The following HEG1 variants were observed in gnomAD, a reference collection of about 807,000 sequenced individuals.
HEG1 encodes the protein protein HEG homolog 1.
In HEG1, 56 loss-of-function variants were observed where a neutral mutation model predicts 125.6. The ratio of observed to expected loss-of-function variants is 0.45; its 90% CI spans 0.36 to 0.56. HEG1 has a LOEUF of 0.56. HEG1 is among the 20% of genes least tolerant of loss of function. HEG1 has a pLI of 0.00. For synonymous variants in HEG1, 644 were observed against 668.5 expected, an observed-to-expected ratio of 0.96 and a Z score of 0.57; for missense variants, 1,523 against 1,670.0, an observed-to-expected ratio of 0.91 and a Z score of 1.53.
chr3:124,987,615 C>G (rs1049067276), intron 14 of HEG1, among the ~76,000 whole-genome samples: 25 of 135,614 alleles, frequency 1.8e-4, no homozygotes, highest in Non-Finnish European at 3.4e-4. Context: ...CTCCGCCCCC[C>G]CAGGTTCACG....
At chr3:124,990,759 G>A (rs145406909) in intron 14 of HEG1, 28 bp downstream of exon 14, 47 of 1,554,036 alleles carry the variant, frequency 3.0e-5, no homozygotes, top group African/African-American at 2.7e-4. Flanking sequence ...CCCTGCCCAC[G>A]CATAATGGTC....
At chr3:124,999,321 C>G (rs1936968050) in intron 11 of HEG1, among the ~76,000 whole-genome samples, 1 of 152,208 alleles carries the variant, frequency 6.6e-6, no homozygotes. Context: ...AATGGAAAAT[C>G]TCACCAGGCA....
chr3:125,046,877 T>A (rs751647826), intron 1 of HEG1, among the ~76,000 whole-genome samples: 8 of 152,228 alleles, frequency 5.3e-5, no homozygotes, highest in Non-Finnish European at 1.2e-4. Context: ...TGAAGAACAC[T>A]CATTGACCAC....
In HEG1 at chr3:125,029,477, T is replaced by C. The variant is rs1202679425; in HGVS notation, c.328A>G (p.Lys110Glu). ...TCAGTGTTACTTTCTGGCCAATGTT[T>C]CCAGGCAGCATCTGAAAGAAGAAGA... is the stretch of plus-strand genomic sequence containing the variant. ...PRGGSADAAW[K>E]HWPESNTEAH... Residue 110 changes from lysine to glutamate, a missense_variant, in exon 2 of 17, where the codon AAA (lysine) becomes GAA (glutamate). Transcript: ENST00000311127. 2.5e-6 allele frequency: 4 copies of C among 1,593,234 alleles called. No individual in the cohort carries two copies. The highest frequency in any genetic ancestry group is 3.4e-6 in the Non-Finnish European group (4 of 1,174,124).
intron 15 of HEG1, 105 bp from the exon 16 acceptor site, chr3:124,974,010 TA>T (rs1482964492): frequency 2.6e-6 from 2 of 771,988 alleles, no homozygotes; most frequent in East Asian, 5.3e-5. Flanking sequence ...AAGCTACCAT[TA>T]TATTTATTTG....
At chr3:125,048,451 G>T (rs1340979260) in intron 1 of HEG1, among the ~76,000 whole-genome samples, 1 of 152,230 alleles carries the variant, frequency 6.6e-6, no homozygotes, top group Non-Finnish European at 1.5e-5. Context: ...TCCTGCCTTA[G>T]ATCATCTGCC....
At chr3:125,029,592 C>T (rs1937469203) in intron 1 of HEG1, 104 bp from the exon 2 acceptor site, 5 of 1,193,794 alleles carry the variant, frequency 4.2e-6, no homozygotes, top group African/African-American at 1.5e-5. Flanking sequence ...AGAGTGAATT[C>T]AAGTAAAAGA....
At chr3:125,040,212 CCG>C (rs1420232917) in intron 1 of HEG1, among the ~76,000 whole-genome samples, 1 of 152,090 alleles carries the variant, frequency 6.6e-6, no homozygotes, top group Non-Finnish European at 1.5e-5. Context: ...AGATTTGGGA[CCG>C]TTGATTAGGA....
At chr3:125,010,804 CA>C (rs1937147676) in intron 6 of HEG1, among the ~76,000 whole-genome samples, 2 of 152,190 alleles carry the variant, frequency 1.3e-5, no homozygotes, top group African/African-American at 4.8e-5. Flanking sequence ...TGATTGTAAT[CA>C]AATGCTGCTT....
At chr3:125,007,491 A>G (rs1937090315) in intron 8 of HEG1, among the ~76,000 whole-genome samples, 1 of 152,192 alleles carries the variant, frequency 6.6e-6, no homozygotes, top group African/African-American at 2.4e-5. Flanking sequence ...AAAGAGCCAT[A>G]ATTATTACTT....
In HEG1 at chr3:125,027,185, G is replaced by C; in HGVS notation, c.913+20C>G. 1.3e-6 allele frequency: 2 copies of C among 1,556,624 alleles called. No individual in the cohort carries two copies. Among genetic ancestry groups the C allele is most frequent in the East Asian group, 4.5e-5 (2 of 44,192 alleles). ...ACTTTGAGTGACTTCCGAGTGTTAAGCTGGGTATGTGGCACTCACATGAGG... is the reference window on the plus strand; with the variant it reads ...ACTTTGAGTGACTTCCGAGTGTTAACCTGGGTATGTGGCACTCACATGAGG... On this transcript the variant is annotated intron_variant, in intron 3 of 16. Transcript: ENST00000311127.
chr3:124,989,952 T>G (rs75828757), intron 14 of HEG1, among the ~76,000 whole-genome samples: 26 of 152,212 alleles, frequency 1.7e-4, no homozygotes, highest in African/African-American at 6.0e-4. Flanking sequence ...TCCTCTACTT[T>G]CTGCCTTCCG....
intron 1 of HEG1, among the ~76,000 whole-genome samples, chr3:125,042,391 G>A (rs1937600260): frequency 6.6e-6 from 1 of 152,148 alleles, no homozygotes. Context: ...TCATGCCACT[G>A]CACTCCAGCC....
intron 1 of HEG1, among the ~76,000 whole-genome samples, chr3:125,037,125 TAC>T (rs1270905671): frequency 9.2e-5 from 14 of 152,238 alleles, no homozygotes; most frequent in Non-Finnish European, 1.8e-4. Context: ...ACATTGTTGA[TAC>T]AGTTTTTCTT....
rs1391711346 is a variant in HEG1, at chr3:124,971,236, T to C, written c.3997-435A>G. On this transcript the variant is annotated intron_variant, in intron 16 of 16. Coordinates refer to ENST00000311127, the MANE Select transcript of HEG1 (RefSeq NM_020733.2). ...TTGGCAGAAATAAAATACTAGCTACTATGTATCATAAATAAGTTGCAGGAG... is the reference window on the plus strand; with the variant it reads ...TTGGCAGAAATAAAATACTAGCTACCATGTATCATAAATAAGTTGCAGGAG... 8.9e-6 allele frequency: 4 copies of C among 451,736 alleles called. No homozygotes were observed. The Admixed American group carries it at 9.6e-5, about 11-fold the overall frequency. The allele number at this position is 451,736 out of a possible 1,614,324, so 28.0% of individuals were successfully genotyped here.
At chr3:124,972,370 CA>C (rs1936463056) in intron 16 of HEG1, among the ~76,000 whole-genome samples, 1 of 152,102 alleles carries the variant, frequency 6.6e-6, no homozygotes, top group African/African-American at 2.4e-5. Context: ...AAACAAAGCC[CA>C]ATGCAGAAAT....
chr3:125,005,270 T>C lies in HEG1; in HGVS notation c.3292A>G (p.Lys1098Glu). 6.3e-7 allele frequency: 1 copy of C among 1,575,150 alleles called. No homozygotes were observed. The highest frequency in any genetic ancestry group is 1.8e-5 in the Admixed American group (1 of 56,526). Residue 1098 changes from lysine (K) to glutamate (E), a missense_variant, in exon 9 of 17, where the codon AAA (lysine) becomes GAA (glutamate). Transcript: ENST00000311127. Reference sequence around the variant, plus strand: ...ATGCCATTCAGGACACTTACCGTTTTGGTGATCTCATTTTCAACTTCTTGT... The same window carrying C: ...ATGCCATTCAGGACACTTACCGTTTCGGTGATCTCATTTTCAACTTCTTGT... ...DLQEVENEIT[K>E]TLNMCFSALP...
Position 125,013,743 on chromosome 3 carries a change from T to C in HEG1, c.1836A>G (p.Ser612=). 6.2e-7 allele frequency: 1 copy of C among 1,612,748 alleles called. No homozygotes were observed. The highest frequency in any genetic ancestry group is 8.5e-7 in the Non-Finnish European group (1 of 1,178,756). ...FHAQTERSNI[S]SYDGEYAQPS... is the part of the protein sequence containing the mutation. ...GCTGAGCATATTCCCCGTCATAGGA[T>C]GAGATGTTACTTCTCTCAGTCTGAG... is the stretch of plus-strand genomic sequence containing the variant. The change falls in exon 6 of 17, where the codon TCA becomes TCG. Residue 612 remains serine (S), a synonymous_variant. Transcript: ENST00000311127.
intron 1 of HEG1, among the ~76,000 whole-genome samples, 200 bp from the exon 2 acceptor site, chr3:125,029,688 G>A (rs1029963399): frequency 2.0e-5 from 3 of 152,130 alleles, no homozygotes; most frequent in East Asian, 1.9e-4. Context: ...TCAGGAGTTC[G>A]AGACCAGCCT....
Sources: allele counts gnomAD v4.1 joint callset (sites outside exome capture counted in the v4.1 genomes callset), GRCh38; gene constraint gnomAD v4.1.1; transcripts MANE v1.5; gene names NCBI Gene and HGNC (gene_info 2026-07-23, HGNC 2026-07-21).